NAV1: variants seen among roughly 807,000 people sequenced by gnomAD.
NAV1 encodes the protein neuron navigator 1, also known as pore membrane and/or filament interacting like protein 3.
In NAV1, 18 loss-of-function variants were observed where a neutral mutation model predicts 175.2. The ratio of observed to expected loss-of-function variants is 0.10; its 90% CI spans 0.07 to 0.15. The LOEUF (loss-of-function observed/expected upper bound fraction) is 0.15, where lower values mean the gene tolerates loss of function less well. NAV1 is among the 10% of genes least tolerant of loss of function. The pLI is 1.00. For synonymous variants in NAV1, 897 were observed against 978.7 expected (o/e 0.92, Z 1.56); for missense variants, 1,731 against 2,436.6 (o/e 0.71, Z 6.10).
At chr1:201,544,980 C>T (rs1665627093) in intron 1 of NAV1, among the ~76,000 whole-genome samples, 1 of 152,162 alleles carries the variant, frequency 6.6e-6, no homozygotes, top group African/African-American at 2.4e-5. Flanking sequence ...AAGTCCTTAG[C>T]GAGATGAGCA....
intron 1 of NAV1, among the ~76,000 whole-genome samples, chr1:201,686,829 C>T (rs749525439): frequency 6.6e-6 from 1 of 152,194 alleles, no homozygotes; most frequent in African/African-American, 2.4e-5. Flanking sequence ...CCTCAGACTG[C>T]ACTCACCTTC....
intron 2 of NAV1, among the ~76,000 whole-genome samples, chr1:201,597,567 G>A (rs567418619): frequency 1.4e-3 from 218 of 152,108 alleles, no homozygotes; most frequent in Non-Finnish European, 2.5e-3. Flanking sequence ...TGCAGAGCCC[G>A]TGCTCCACCG....
intron 5 of NAV1, among the ~76,000 whole-genome samples, chr1:201,781,894 C>A (rs1676349528): frequency 6.6e-6 from 1 of 151,828 alleles, no homozygotes; most frequent in Non-Finnish European, 1.5e-5. Context: ...GATGGATATT[C>A]TTGATCATCT....
chr1:201,642,839 G>A (rs906880423), intron 2 of NAV1, among the ~76,000 whole-genome samples: 2 of 149,340 alleles, frequency 1.3e-5, no homozygotes, highest in African/African-American at 4.9e-5. Context: ...GCGCCATCTC[G>A]GCTCACTGCA....
intron 1 of NAV1, among the ~76,000 whole-genome samples, chr1:201,581,798 G>A (rs754756571): frequency 2.3e-4 from 34 of 150,894 alleles, no homozygotes; most frequent in Non-Finnish European, 4.6e-4. Flanking sequence ...CACTACACTC[G>A]AGCCTGGACG....
intron 1 of NAV1, among the ~76,000 whole-genome samples, chr1:201,689,662 A>G (rs1056549474): frequency 5.3e-5 from 8 of 152,172 alleles, no homozygotes; most frequent in Non-Finnish European, 8.8e-5. Flanking sequence ...GGTAACACAT[A>G]TGGAGATCTA....
At chr1:201,582,142 G>T (rs1165585102) in intron 1 of NAV1, among the ~76,000 whole-genome samples, 2 of 152,234 alleles carry the variant, frequency 1.3e-5, no homozygotes, top group Admixed American at 1.3e-4. Flanking sequence ...TTCACAAGTG[G>T]TCAGCAAAAG....
chr1:201,760,716 T>C (rs1296363571), intron 3 of NAV1, among the ~76,000 whole-genome samples: 4 of 152,318 alleles, frequency 2.6e-5, no homozygotes, highest in African/African-American at 9.6e-5. Context: ...CAGAGTGTTA[T>C]GGTGAATCTG....
chr1:201,588,029 G>A (rs1571834220), intron 1 of NAV1, among the ~76,000 whole-genome samples: 2 of 152,194 alleles, frequency 1.3e-5, no homozygotes, highest in African/African-American at 2.4e-5. Flanking sequence ...GTTAAACATG[G>A]AGATGAGATA....
intron 16 of NAV1, 44 bp from the exon 21 acceptor site, chr1:201,804,445 T>G: frequency 6.5e-7 from 1 of 1,538,756 alleles, no homozygotes; most frequent in Non-Finnish European, 8.8e-7. Flanking sequence ...ATTCTTTTTT[T>G]TTTTCCTTCA....
chr1:201,615,263 C>CTTTTTTTTTTTT (rs1256633287), intron 2 of NAV1, among the ~76,000 whole-genome samples: 1 of 145,024 alleles, frequency 6.9e-6, no homozygotes, highest in African/African-American at 2.7e-5. Context: ...TTCTTTCTTT[C>CTTTTTTTTTTTT]TTTCTTTTTT....
At chr1:201,708,372 C>T (rs569836517) in intron 1 of NAV1, among the ~76,000 whole-genome samples, 175 of 152,144 alleles carry the variant, frequency 1.2e-3, no homozygotes, top group African/African-American at 4.1e-3. Context: ...CCCCATAGAC[C>T]TTGGTGTCGC....
chr1:201,635,116 G>C (rs140382126), intron 2 of NAV1, among the ~76,000 whole-genome samples: 2 of 152,034 alleles, frequency 1.3e-5, no homozygotes, highest in African/African-American at 4.8e-5. Flanking sequence ...TCAGCTCACT[G>C]CAAGCTCCGC....
rs1432248962 is a variant in NAV1 at position 201,807,576 on chromosome 1, A to G, written c.3649-377A>G. On this transcript the variant is annotated intron_variant, in intron 17 of 29. Transcript: ENST00000367296. The surrounding 1 kb of genome is among the most constrained non-coding windows in gnomAD (Gnocchi z 5.4). ...TCTCTCTGTCCCCATCAGGGGCACA[A>G]TTCCCCCTATGAGCAAGAGAACACC... Among the ~76,000 whole-genome samples the G allele has an allele frequency of 1.3e-5, 2 of 152,180 alleles. No homozygotes were observed. The highest frequency in any genetic ancestry group is 1.5e-5 in the Non-Finnish European group (1 of 68,018).
rs1296255533 is a variant in NAV1, at chr1:201,787,111, C to T, written c.2995+534C>T. Among the ~76,000 whole-genome samples, 10 of 152,204 alleles carry T rather than the reference C, an allele frequency of 6.6e-5. No homozygotes were observed. The highest frequency in any genetic ancestry group is 6.5e-4 in the Admixed American group (10 of 15,280). The stretch of plus-strand genomic sequence containing the variant: ...TGACTCAGATGTGTCCTGGCCACCC[C>T]CTTCCTAAAGCCTAGGGAGAAAGGA... On this transcript the variant is annotated intron_variant, in intron 9 of 29. Coordinates refer to ENST00000367296, the Ensembl canonical transcript of NAV1. This position sits in a 1 kb window ranked among gnomAD's most constrained non-coding sequence, Gnocchi z 4.3.
intron 1 of NAV1, among the ~76,000 whole-genome samples, chr1:201,624,254 A>G (rs1668259693): frequency 6.6e-6 from 1 of 150,962 alleles, no homozygotes; most frequent in African/African-American, 2.4e-5. Context: ...TCACAACAAG[A>G]TGGCCAACAA....
Position 201,789,862 on chromosome 1 carries a change from T to C in NAV1, c.3219+70T>C, listed in dbSNP as rs898752309. On this transcript the variant is annotated intron_variant, in intron 11 of 29. Transcript: ENST00000367296. ...CCATCCCATGCTCCCTAGAACCTCC[T>C]TGGAGTTGGGTAACTGGGCGGGGGA... The C allele has an allele frequency of 4.9e-5, 73 of 1,478,002 alleles. No individual in the cohort carries two copies. In the African/African-American group the frequency reaches 7.2e-4, roughly 15 times the overall value. The allele number at this position is 1,478,002 out of a possible 1,614,324, so 91.6% of individuals were successfully genotyped here.
chr1:201,712,708 G>A lies in NAV1; in HGVS notation c.758-109G>A, dbSNP rs1157200479. The A allele has an allele frequency of 6.6e-6, 5 of 753,150 alleles. No homozygotes were observed. In the South Asian group the frequency reaches 7.6e-5, roughly 11 times the overall value. The allele number at this position is 753,150 out of a possible 1,614,324, so 46.7% of individuals were successfully genotyped here. On this transcript the variant is annotated intron_variant, in intron 1 of 29. Transcript: ENST00000367296. ...AGGGAGGAGGAAGGTGACTATCATG[G>A]CCCAGGGACTAGCCTCCTGGGGACA...
intron 1 of NAV1, among the ~76,000 whole-genome samples, chr1:201,677,301 AC>A (rs1274157401): frequency 6.7e-6 from 1 of 149,328 alleles, no homozygotes; most frequent in Admixed American, 6.7e-5. Flanking sequence ...CTTTCCCCCA[AC>A]CCCAGGCTCA....
Sources: allele counts gnomAD v4.1 joint callset (sites outside exome capture counted in the v4.1 genomes callset), GRCh38; gene constraint gnomAD v4.1.1; non-coding constraint Gnocchi (gnomAD v3.1); transcripts MANE v1.5; gene names NCBI Gene and HGNC (gene_info 2026-07-23, HGNC 2026-07-21).